Variants in TNNT3 observed in about 807,000 individuals in gnomAD.
TNNT3 encodes the protein troponin T, fast skeletal muscle.
In TNNT3, 36 loss-of-function variants were observed where a neutral mutation model predicts 54.2. The observed-to-expected ratio is 0.66, with a 90% CI of 0.51 to 0.88. The LOEUF (loss-of-function observed/expected upper bound fraction) is 0.88, where lower values mean the gene tolerates loss of function less well. Ranked by LOEUF, TNNT3 falls within the 40% of genes least tolerant of loss-of-function variation. The pLI, the probability that TNNT3 is intolerant of heterozygous loss-of-function variation, is 0.00. For missense variants in TNNT3, 291 were observed against 331.6 expected (o/e 0.88, Z 0.95); for synonymous variants, 120 against 109.7 (o/e 1.09, Z -0.59).
At chr11:1,921,463 C>A (rs1290070357) in intron 1 of TNNT3, 1 of 152,450 alleles carries the variant, frequency 6.6e-6, no homozygotes, top group African/African-American at 2.4e-5. Context: ...CACCGGGGGC[C>A]TGGACAACAC....
At chr11:1,932,804 C>T (rs191343842) in intron 9 of TNNT3, among the ~76,000 whole-genome samples, 97 of 151,306 alleles carry the variant, frequency 6.4e-4, no homozygotes, top group African/African-American at 2.1e-3. Context: ...ATCCACTCAA[C>T]CATCTATCCA....
intron 14 of TNNT3, 160 bp downstream of exon 14, chr11:1,935,079 C>T: frequency 1.4e-6 from 1 of 723,880 alleles, no homozygotes; most frequent in Admixed American, 2.0e-5. Flanking sequence ...CTGGCTGAGG[C>T]TGCTTTCCTG....
intron 5 of TNNT3, 145 bp from the exon 6 acceptor site, chr11:1,926,550 A>G: frequency 6.2e-7 from 1 of 1,611,340 alleles, no homozygotes; most frequent in South Asian, 1.1e-5. Context: ...CCAAGAAGGA[A>G]CAAGAGGGGC....
intron 8 of TNNT3, among the ~76,000 whole-genome samples, chr11:1,930,056 C>T (rs998488410): frequency 2.6e-5 from 4 of 152,052 alleles, no homozygotes; most frequent in South Asian, 2.1e-4. Flanking sequence ...ACGCTCAGAG[C>T]GCAGGGTGGG....
At chr11:1,937,979 G>A (rs1321068837) in intron 15 of TNNT3, among the ~76,000 whole-genome samples, 6 of 152,138 alleles carry the variant, frequency 3.9e-5, no homozygotes, top group Non-Finnish European at 5.9e-5. Flanking sequence ...TCCTCCACCC[G>A]CCTTCACCCC....
intron 1 of TNNT3, among the ~76,000 whole-genome samples, chr11:1,920,515 C>T (rs571652521): frequency 2.9e-5 from 4 of 139,050 alleles, no homozygotes; most frequent in Admixed American, 7.1e-5. Context: ...TGACTTGTGC[C>T]GTCTGATCAG....
rs1049671148 is a variant in TNNT3, at chr11:1,934,193, G to A, written c.367-139G>A. 3.4e-5 allele frequency: 36 copies of A among 1,062,952 alleles called. No individual in the cohort carries two copies. In the East Asian group the frequency reaches 3.6e-4, roughly 11 times the overall value. 65.8% of individuals were successfully genotyped at this position (1,062,952 alleles called of 1,614,324 possible). A position where few individuals can be genotyped will look rare whatever the true frequency, so the allele number is the denominator to read the frequency against. ...AGAAAACAAATCCTGGCCAAGACCTGGAGCTTCCTTCCAGATAGTTCTAAG... is the reference window on the plus strand; with the variant it reads ...AGAAAACAAATCCTGGCCAAGACCTAGAGCTTCCTTCCAGATAGTTCTAAG... On this transcript the variant is annotated intron_variant, in intron 11 of 15. Coordinates refer to ENST00000278317, the MANE Select transcript of TNNT3 (RefSeq NM_006757.4).
At position 1,938,541 on chromosome 11, in the gene TNNT3, A is replaced by G. The variant is rs1468643080; in HGVS notation, c.*49A>G. ...GCAGAGACCCTCCGCCCTCTTGCACACCAGGGCCGCTCGTGGGACTCCACA... is the reference window on the plus strand; with the variant it reads ...GCAGAGACCCTCCGCCCTCTTGCACGCCAGGGCCGCTCGTGGGACTCCACA... On this transcript the variant is annotated 3_prime_UTR_variant, in exon 16 of 16. Transcript: ENST00000278317. 3.8e-6 allele frequency: 6 copies of G among 1,585,968 alleles called. No homozygotes were observed. The highest frequency in any genetic ancestry group is 5.2e-6 in the Non-Finnish European group (6 of 1,157,248).
intron 1 of TNNT3, among the ~76,000 whole-genome samples, chr11:1,922,606 G>A (rs547252739): frequency 6.6e-6 from 1 of 152,254 alleles, no homozygotes; most frequent in East Asian, 1.9e-4. Context: ...AAGATTCCAA[G>A]CTCCAGTCTG....
rs536826308 is a variant in TNNT3 at position 1,931,736 on chromosome 11, T to C, written c.126-733T>C. ...CCATTTTCCGTTTTTTTTTTTTTTT[T>C]CACATACATACGTTTTTCATTTGCG... is the stretch of plus-strand genomic sequence containing the variant. On this transcript the variant is annotated intron_variant, in intron 8 of 15. Coordinates refer to ENST00000278317, the MANE Select transcript of TNNT3 (RefSeq NM_006757.4). Among the ~76,000 whole-genome samples the C allele has an allele frequency of 2.0e-3, 308 of 150,428 alleles. 1 individual carries two copies. The highest frequency in any genetic ancestry group is 6.8e-3 in the African/African-American group (276 of 40,648).
chr11:1,930,507 C>T (rs1250628878), intron 8 of TNNT3, among the ~76,000 whole-genome samples: 2 of 152,132 alleles, frequency 1.3e-5, no homozygotes, highest in African/African-American at 4.8e-5. Flanking sequence ...GTGAGCACTT[C>T]GTGGGTTGGT....
chr11:1,938,349 T>C, intron 15 of TNNT3, 89 bp from the exon 16 acceptor site: 2 of 1,421,136 alleles, frequency 1.4e-6, no homozygotes, highest in Non-Finnish European at 2.0e-6. Flanking sequence ...CAGCCTGGGG[T>C]CGGGCTGAGA....
chr11:1,925,430 C>T (rs566261128), intron 5 of TNNT3: 101 of 805,638 alleles, frequency 1.3e-4, no homozygotes, highest in Non-Finnish European at 1.8e-4. Context: ...ACCCACTAAC[C>T]GCGGCCAATG....
Position 1,929,200 on chromosome 11 carries a change from G to A in TNNT3, c.106+57G>A, listed in dbSNP as rs1391409491. On this transcript the variant is annotated intron_variant, in intron 7 of 15. Transcript: ENST00000278317. ...GGACCCTGGCTCTAGCCGACGCGAG[G>A]GAAAGAGGACAGGCTGGGGTCTCTC... is the stretch of plus-strand genomic sequence containing the variant. 4 of 1,597,910 alleles carry A rather than the reference G, an allele frequency of 2.5e-6. No homozygotes were observed. In the African/African-American group the frequency reaches 4.0e-5, roughly 16 times the overall value.
At position 1,935,246 on chromosome 11, in the gene TNNT3, C is replaced by T. The variant is rs577727100; in HGVS notation, c.681+327C>T. ...GGACTCAGGGTTCATTTTCGGAACC[C>T]CTTTAAGCTTATAGAAAGTCCCCAT... On this transcript the variant is annotated intron_variant, in intron 14 of 15. Transcript: ENST00000278317. 15 of 433,532 alleles carry T rather than the reference C, an allele frequency of 3.5e-5. No homozygotes were observed. In the East Asian group the frequency reaches 5.3e-4, roughly 15 times the overall value. The allele number at this position is 433,532 out of a possible 1,614,324, so 26.9% of individuals were successfully genotyped here. A position where few individuals can be genotyped will look rare whatever the true frequency, so the allele number is the denominator to read the frequency against.
At chr11:1,935,084 T>G in intron 14 of TNNT3, 165 bp downstream of exon 14, 1 of 719,304 alleles carries the variant, frequency 1.4e-6, no homozygotes, top group South Asian at 1.5e-5. Context: ...TGAGGCTGCT[T>G]TCCTGCTGGG....
chr11:1,929,804 G>T lies in TNNT3; in HGVS notation c.107-6G>T. The T allele has an allele frequency of 6.4e-7, 1 of 1,551,542 alleles. No individual in the cohort carries two copies. The highest frequency in any genetic ancestry group is 8.7e-7 in the Non-Finnish European group (1 of 1,147,142). ...CCTCTCCCTACGCTGGTGCTGTGTG[G>T]ACCAGAGGAGAAACCGAGACCCAAG... is the stretch of plus-strand genomic sequence containing the variant. On this transcript the variant is annotated splice_polypyrimidine_tract_variant and splice_region_variant and intron_variant, in intron 7 of 15. Transcript: ENST00000278317.
At chr11:1,926,345 C>G (rs540710) in intron 5 of TNNT3, 1 of 1,180,500 alleles carries the variant, frequency 8.5e-7, no homozygotes. Flanking sequence ...CTTGCTCGCT[C>G]CCCGCACGCA....
chr11:1,925,327 G>A (rs1293967106), intron 5 of TNNT3: 3 of 1,552,806 alleles, frequency 1.9e-6, no homozygotes, highest in Non-Finnish European at 2.6e-6. Context: ...GGGCCTGGCT[G>A]GAGCCCATGT....
Sources: allele counts gnomAD v4.1 joint callset (sites outside exome capture counted in the v4.1 genomes callset), GRCh38; gene constraint gnomAD v4.1.1; transcripts MANE v1.5; gene names NCBI Gene and HGNC (gene_info 2026-07-23, HGNC 2026-07-21).